Variants in F13A1 observed in about 807,000 individuals in gnomAD.
F13A1 encodes FSF, A subunit.
Under a neutral mutation model 80.1 loss-of-function variants are expected in F13A1, and 47 were observed. The ratio of observed to expected loss-of-function variants is 0.59; its 90% CI spans 0.46 to 0.75. The LOEUF (loss-of-function observed/expected upper bound fraction) is 0.75. F13A1 is among the 30% of genes least tolerant of loss of function. The probability of loss-of-function intolerance (pLI) is 0.00; values close to 1 mark genes in which losing one functional copy is unlikely to be tolerated. For synonymous variants in F13A1, 349 were observed against 344.9 expected, an observed-to-expected ratio of 1.01 and a Z score of -0.13; for missense variants, 817 against 930.4, an observed-to-expected ratio of 0.88 and a Z score of 1.59.
At chr6:6,205,369 A>G (rs1761468003) in intron 8 of F13A1, among the ~76,000 whole-genome samples, 1 of 152,196 alleles carries the variant, frequency 6.6e-6, no homozygotes, top group African/African-American at 2.4e-5. Flanking sequence ...CATGAACCAA[A>G]TGGATGTTGC....
At chr6:6,152,001 T>C in intron 13 of F13A1, 52 bp from the exon 14 acceptor site, 1 of 1,606,174 alleles carries the variant, frequency 6.2e-7, no homozygotes, top group Non-Finnish European at 8.5e-7. Flanking sequence ...CGTTCTGCTC[T>C]CTTGTTGTCT....
intron 8 of F13A1, among the ~76,000 whole-genome samples, chr6:6,212,377 C>A (rs1275630527): frequency 1.3e-5 from 2 of 152,110 alleles, no homozygotes; most frequent in East Asian, 3.9e-4. Context: ...GACCCCTGAC[C>A]CCCAAGCAGC....
chr6:6,259,547 A>G (rs1222610168), intron 4 of F13A1, among the ~76,000 whole-genome samples: 2 of 152,216 alleles, frequency 1.3e-5, no homozygotes, highest in Non-Finnish European at 2.9e-5. Flanking sequence ...GCTAAGAGAT[A>G]GAGAAATCCA....
intron 8 of F13A1, among the ~76,000 whole-genome samples, chr6:6,211,840 GCAGGGTGAGGCATTGCCTCACT>G (rs1761619469): frequency 6.6e-6 from 1 of 152,264 alleles, no homozygotes; most frequent in African/African-American, 2.4e-5. Context: ...GCGAGCCAAA[GCAGGGTGAGGCATTGCCTCACT>G]CGGGAAGCGC....
rs187331416 is a variant in F13A1 at position 6,255,766 on chromosome 6, A to G, written c.572-4837T>C. On this transcript the variant is annotated intron_variant, in intron 4 of 14. Coordinates refer to ENST00000264870, the MANE Select transcript of F13A1 (RefSeq NM_000129.4). Reference sequence around the variant, plus strand: ...TAAATCTCACCTCAAACAGGCAGACATTATCATGAATCCACAGTATGGCAA... The same window carrying G: ...TAAATCTCACCTCAAACAGGCAGACGTTATCATGAATCCACAGTATGGCAA... 7.4e-3 allele frequency among the ~76,000 whole-genome samples: 1,122 copies of G among 152,270 alleles called. 12 individuals carry two copies. The highest frequency in any genetic ancestry group is 0.026 in the African/African-American group (1,068 of 41,516).
intron 13 of F13A1, among the ~76,000 whole-genome samples, chr6:6,161,709 C>T (rs965608428): frequency 7.2e-5 from 11 of 152,186 alleles, no homozygotes; most frequent in African/African-American, 2.7e-4. Flanking sequence ...GACTGTCTCT[C>T]TCTGCCTGTT....
chr6:6,190,563 A>C (rs1478841597), intron 10 of F13A1, among the ~76,000 whole-genome samples: 1 of 151,420 alleles, frequency 6.6e-6, no homozygotes, highest in Non-Finnish European at 1.5e-5. Flanking sequence ...GACCCACTTG[A>C]GGAGGCAGTC....
chr6:6,257,045 G>A (rs192451899), intron 4 of F13A1, among the ~76,000 whole-genome samples: 1 of 152,192 alleles, frequency 6.6e-6, no homozygotes, highest in East Asian at 1.9e-4. Context: ...TTTAGGGAAG[G>A]AAGGAATTTA....
At chr6:6,187,285 T>C (rs1761096046) in intron 10 of F13A1, among the ~76,000 whole-genome samples, 1 of 99,364 alleles carries the variant, frequency 1.0e-5, no homozygotes, top group Admixed American at 1.0e-4. Flanking sequence ...AGAGAGGGCA[T>C]CCCTGTCTTG....
chr6:6,193,724 GTCC>G (rs772652149), intron 10 of F13A1, among the ~76,000 whole-genome samples: 4 of 152,152 alleles, frequency 2.6e-5, no homozygotes, highest in East Asian at 1.9e-4. Flanking sequence ...GTGGAGGGAG[GTCC>G]TCCTTCTCCT....
At chr6:6,197,964 C>T (rs561440465) in intron 8 of F13A1, among the ~76,000 whole-genome samples, 11 of 152,158 alleles carry the variant, frequency 7.2e-5, no homozygotes, top group South Asian at 6.3e-4. Flanking sequence ...TACTAGGTAC[C>T]GACAGGGTGG....
At chr6:6,155,556 C>A (rs970077077) in intron 13 of F13A1, among the ~76,000 whole-genome samples, 1 of 152,022 alleles carries the variant, frequency 6.6e-6, no homozygotes, top group African/African-American at 2.4e-5. Flanking sequence ...TCTCCTGCAC[C>A]GAGAATGTAA....
At position 6,266,790 on chromosome 6, in the gene F13A1, G is replaced by C. The variant is rs750903866; in HGVS notation, c.339C>G (p.Asn113Lys). The change falls in exon 4 of 15, where the codon AAC becomes AAG. Residue 113 changes from asparagine (N) to lysine (K), a missense_variant. By Grantham distance (94) the Asn-to-Lys change is moderately conservative. Coordinates refer to ENST00000264870, the MANE Select transcript of F13A1 (RefSeq NM_000129.4). Reference sequence around the variant, plus strand: ...TAGGCACTGGGATGTAGGTTCCCTTGTTCTCCTGTGGGTAGCGACCTATGA... The same window carrying C: ...TAGGCACTGGGATGTAGGTTCCCTTCTTCTCCTGTGGGTAGCGACCTATGA... Reference protein sequence around the residue: ...EYVIGRYPQENKGTYIPVPIV... With the variant: ...EYVIGRYPQEKKGTYIPVPIV... 1 of 1,614,142 alleles carries C rather than the reference G, an allele frequency of 6.2e-7. No individual in the cohort carries two copies. Among genetic ancestry groups the C allele is most frequent in the South Asian group, 1.1e-5 (1 of 91,078 alleles).
chr6:6,302,268 A>T (rs1220153761), intron 3 of F13A1, among the ~76,000 whole-genome samples: 1 of 151,988 alleles, frequency 6.6e-6, no homozygotes, highest in Non-Finnish European at 1.5e-5. Context: ...CAGAGCTTCA[A>T]ACGTGAATTT....
At chr6:6,236,489 T>C (rs1200662749) in intron 6 of F13A1, among the ~76,000 whole-genome samples, 1 of 152,272 alleles carries the variant, frequency 6.6e-6, no homozygotes, top group South Asian at 2.1e-4. Context: ...GATTCTAACT[T>C]GATACTGAAA....
rs181224345 is a variant in F13A1 at position 6,309,042 on chromosome 6, T to A, written c.131-3503A>T. Among the ~76,000 whole-genome samples, 3 of 152,340 alleles carry A rather than the reference T, an allele frequency of 2.0e-5. No individual in the cohort carries two copies. In the East Asian group the frequency reaches 5.8e-4, roughly 29 times the overall value. ...TAAGACTTTGCATGGGTTAAATTTCTTCTTATTGAATTTGGCTCACTGTCC... is the reference window on the plus strand; with the variant it reads ...TAAGACTTTGCATGGGTTAAATTTCATCTTATTGAATTTGGCTCACTGTCC... On this transcript the variant is annotated intron_variant, in intron 2 of 14. Transcript: ENST00000264870.
intron 2 of F13A1, among the ~76,000 whole-genome samples, chr6:6,311,686 TTTATA>T (rs1758600453): frequency 7.0e-6 from 1 of 142,362 alleles, no homozygotes; most frequent in African/African-American, 2.7e-5. Context: ...ATTACATATG[TTTATA>T]TTATATAATG....
intron 7 of F13A1, among the ~76,000 whole-genome samples, chr6:6,222,932 A>T (rs968762049): frequency 2.0e-5 from 3 of 152,138 alleles, no homozygotes; most frequent in African/African-American, 7.2e-5. Context: ...AAAGGACTTG[A>T]TCTTAATGCC....
intron 3 of F13A1, among the ~76,000 whole-genome samples, chr6:6,269,679 A>C (rs977207633): frequency 5.3e-5 from 8 of 152,044 alleles, no homozygotes; most frequent in South Asian, 2.1e-4. Context: ...CTGCGGGCCA[A>C]ATGTAGCTTA....
Sources: gnomAD v4.1 joint callset for allele counts (sites outside exome capture counted in the v4.1 genomes callset) on GRCh38, gnomAD v4.1.1 for gene constraint, MANE v1.5 for transcripts, NCBI Gene and HGNC (gene_info 2026-07-23, HGNC 2026-07-21) for gene names.